Variants in KCNH7 observed in about 807,000 individuals in gnomAD.
KCNH7 encodes the protein voltage-gated inwardly rectifying potassium channel KCNH7.
Under a neutral mutation model 120.8 loss-of-function variants are expected in KCNH7, and 49 were observed. That is an observed-to-expected ratio of 0.41 (90% CI 0.32 to 0.51). The LOEUF (loss-of-function observed/expected upper bound fraction) is 0.51, where lower values mean the gene tolerates loss of function less well. KCNH7 is among the 20% of genes least tolerant of loss of function. The probability of loss-of-function intolerance (pLI) is 0.38; values close to 1 mark genes in which losing one functional copy is unlikely to be tolerated. For synonymous variants in KCNH7, 547 were observed against 516.1 expected, an observed-to-expected ratio of 1.06 and a Z score of -0.81; for missense variants, 1,097 against 1,446.6, an observed-to-expected ratio of 0.76 and a Z score of 3.92.
chr2:162,666,056 A>G (rs1487110210), intron 2 of KCNH7, among the ~76,000 whole-genome samples: 1 of 152,134 alleles, frequency 6.6e-6, no homozygotes, highest in Non-Finnish European at 1.5e-5. Flanking sequence ...GAATAACAAG[A>G]ATTACCACAT....
chr2:162,654,063 A>G (rs890398068), intron 2 of KCNH7, among the ~76,000 whole-genome samples: 1 of 151,990 alleles, frequency 6.6e-6, no homozygotes, highest in Non-Finnish European at 1.5e-5. Flanking sequence ...CATAGGAAAA[A>G]AGCTCCATGA....
chr2:162,517,765 G>T lies in KCNH7; in HGVS notation c.857C>A (p.Pro286His). 1 of 1,584,014 alleles carries T rather than the reference G, an allele frequency of 6.3e-7. No homozygotes were observed. Among genetic ancestry groups the T allele is most frequent in the South Asian group, 1.1e-5 (1 of 88,606 alleles). ...ATGTCGGTCTCTAAATATGTTCTTG[G>T]GGTGGACGCCGAATCCTTCTATATC... is the stretch of plus-strand genomic sequence containing the variant. ...VHDIEGFGVH[P>H]KNIFRDRHAS... The change falls in exon 4 of 16, where the codon CCC (proline) becomes CAC (histidine). Residue 286 changes from proline to histidine, a missense_variant. This residue lies in a region of KCNH7 where 362 missense variants were observed against 372.2 expected (regional missense o/e 0.97). Transcript: ENST00000332142.
intron 2 of KCNH7, among the ~76,000 whole-genome samples, chr2:162,824,813 T>C (rs1685228221): frequency 1.3e-5 from 2 of 151,958 alleles, no homozygotes; most frequent in Admixed American, 6.6e-5. Flanking sequence ...CTAACTTTCC[T>C]GGCCATCAGT....
At position 162,430,620 on chromosome 2, in the gene KCNH7, C is replaced by T. The variant is rs147343627; in HGVS notation, c.1954+4578G>A. Among the ~76,000 whole-genome samples, 852 of 152,086 alleles carry T rather than the reference C, an allele frequency of 5.6e-3. 7 individuals are homozygous for T. The highest frequency in any genetic ancestry group is 0.017 in the African/African-American group (725 of 41,506). ...TTCCTTCTTTCAGGGATCAAACTTCCCTATTAATTTTCCAGTGCCTGAAAA... is the reference window on the plus strand; with the variant it reads ...TTCCTTCTTTCAGGGATCAAACTTCTCTATTAATTTTCCAGTGCCTGAAAA... On this transcript the variant is annotated intron_variant, in intron 8 of 15. Coordinates refer to ENST00000332142, the MANE Select transcript of KCNH7 (RefSeq NM_033272.4).
At chr2:162,661,608 T>C (rs776124520) in intron 2 of KCNH7, among the ~76,000 whole-genome samples, 1 of 152,172 alleles carries the variant, frequency 6.6e-6, no homozygotes, top group Non-Finnish European at 1.5e-5. Flanking sequence ...ATATCGTTGA[T>C]ACCTTGGAGG....
chr2:162,546,050 G>C (rs550006097), intron 2 of KCNH7, among the ~76,000 whole-genome samples: 2 of 152,278 alleles, frequency 1.3e-5, no homozygotes, highest in African/African-American at 2.4e-5. Flanking sequence ...ATTATTTGGT[G>C]ATTTAAATCA....
intron 2 of KCNH7, among the ~76,000 whole-genome samples, chr2:162,678,695 A>G (rs1685609190): frequency 6.6e-6 from 1 of 151,548 alleles, no homozygotes; most frequent in African/African-American, 2.4e-5. Context: ...TATGATTAAC[A>G]GATTTGGATA....
intron 2 of KCNH7, among the ~76,000 whole-genome samples, chr2:162,580,454 G>T (rs1329242753): frequency 6.6e-6 from 1 of 151,958 alleles, no homozygotes; most frequent in African/African-American, 2.4e-5. Flanking sequence ...GAACAGGGGA[G>T]GCTTCAAAGA....
In KCNH7 at chr2:162,462,714, G is replaced by A. The variant is rs80067013; in HGVS notation, c.1129-16271C>T. 8.7e-3 allele frequency among the ~76,000 whole-genome samples: 1,328 copies of A among 152,100 alleles called. 4 individuals carry two copies. The highest frequency in any genetic ancestry group is 0.014 in the Non-Finnish European group (963 of 67,908). ...TAGATGATTCCTCATTATTGACAGG[G>A]ATTTTCTGTGTATTTGCAAGGTGTA... On this transcript the variant is annotated intron_variant, in intron 6 of 15. Coordinates refer to ENST00000332142, the MANE Select transcript of KCNH7 (RefSeq NM_033272.4).
chr2:162,584,755 T>C (rs1360581729), intron 2 of KCNH7, among the ~76,000 whole-genome samples: 1 of 152,032 alleles, frequency 6.6e-6, no homozygotes, highest in Non-Finnish European at 1.5e-5. Flanking sequence ...CCACTAATTA[T>C]GCTTCTAACT....
At chr2:162,410,954 T>A (rs1362395238) in intron 9 of KCNH7, among the ~76,000 whole-genome samples, 2 of 152,016 alleles carry the variant, frequency 1.3e-5, no homozygotes, top group Non-Finnish European at 2.9e-5. Flanking sequence ...AAACAATAGA[T>A]ATTGGTGAGG....
chr2:162,391,040 G>C (rs945988302), intron 12 of KCNH7, among the ~76,000 whole-genome samples: 6 of 151,880 alleles, frequency 4.0e-5, no homozygotes, highest in Admixed American at 2.0e-4. Flanking sequence ...CAGTGGGTAG[G>C]GAGTGGCAAT....
chr2:162,547,089 C>T (rs1692506525), intron 2 of KCNH7, among the ~76,000 whole-genome samples: 1 of 152,082 alleles, frequency 6.6e-6, no homozygotes, highest in Admixed American at 6.6e-5. Context: ...GAAGGGGAAG[C>T]AGGCACGTGT....
At chr2:162,499,931 G>A (rs968681690) in intron 6 of KCNH7, among the ~76,000 whole-genome samples, 2 of 151,972 alleles carry the variant, frequency 1.3e-5, no homozygotes, top group South Asian at 4.2e-4. Context: ...AACTCCCAAT[G>A]TAGCTAAGGT....
rs1691372499 is a variant in KCNH7 at position 162,518,002 on chromosome 2, C to T, written c.620G>A (p.Ser207Asn). 2 of 1,612,324 alleles carry T rather than the reference C, an allele frequency of 1.2e-6. No homozygotes were observed. The highest frequency in any genetic ancestry group is 2.2e-5 in the East Asian group (1 of 44,778). ...GTCATCTGCTTCAGAGGGGCTGCAG[C>T]TTTCTTTTGTAGGAGACTTAAAATG... Reference protein sequence around the residue: ...MKHFKSPTKESCSPSEADDTK... With the variant: ...MKHFKSPTKENCSPSEADDTK... The change falls in exon 4 of 16, where the codon AGC becomes AAC. Residue 207 changes from serine (S) to asparagine (N), a missense_variant. By Grantham distance (46) the Ser-to-Asn change is conservative. This residue lies in a region of KCNH7 where 362 missense variants were observed against 372.2 expected (regional missense o/e 0.97). Transcript: ENST00000332142.
intron 2 of KCNH7, among the ~76,000 whole-genome samples, chr2:162,656,734 A>C (rs1351799845): frequency 6.6e-6 from 1 of 152,200 alleles, no homozygotes; most frequent in Admixed American, 6.5e-5. Flanking sequence ...ATATTGCATC[A>C]ATGATTAATT....
intron 10 of KCNH7, among the ~76,000 whole-genome samples, chr2:162,397,444 C>T (rs983197409): frequency 6.6e-6 from 1 of 151,736 alleles, no homozygotes; most frequent in South Asian, 2.1e-4. Context: ...TTCCTAATAA[C>T]CACTTTTGAA....
chr2:162,599,786 T>C (rs1694494150), intron 2 of KCNH7, among the ~76,000 whole-genome samples: 1 of 152,066 alleles, frequency 6.6e-6, no homozygotes. Flanking sequence ...GTACATTTTA[T>C]AAAGTCCAAA....
chr2:162,504,082 C>T (rs986822139), intron 6 of KCNH7, among the ~76,000 whole-genome samples: 2 of 151,852 alleles, frequency 1.3e-5, no homozygotes, highest in African/African-American at 4.8e-5. Flanking sequence ...TAATTAGTCC[C>T]CTAAAGCTTC....
Sources: gnomAD v4.1 joint callset for allele counts (sites outside exome capture counted in the v4.1 genomes callset) on GRCh38, gnomAD v4.1.1 for gene constraint, gnomAD v4.1.1 regional missense constraint, MANE v1.5 for transcripts, NCBI Gene and HGNC (gene_info 2026-07-23, HGNC 2026-07-21) for gene names.